Variants in DCAF4 observed in about 807,000 individuals in gnomAD.
DCAF4 encodes DDB1 and CUL4 associated factor 4, also known as DDB1- and CUL4-associated factor 4.
DCAF4 carries 37 observed loss-of-function variants against 60.9 expected under a neutral mutation model. That is an observed-to-expected ratio of 0.61 (90% CI 0.47 to 0.80). The LOEUF (loss-of-function observed/expected upper bound fraction) is 0.80, where lower values mean the gene tolerates loss of function less well. Ranked by LOEUF, DCAF4 falls within the 30% of genes least tolerant of loss-of-function variation. The pLI is 0.00. For missense variants in DCAF4, 577 were observed against 650.0 expected (o/e 0.89, Z 1.22); for synonymous variants, 243 against 254.8 (o/e 0.95, Z 0.44).
At chr14:72,931,748 T>C (rs574437695) in intron 1 of DCAF4, among the ~76,000 whole-genome samples, 66 of 152,272 alleles carry the variant, frequency 4.3e-4, no homozygotes, top group African/African-American at 1.6e-3. Context: ...GGATGTTGCA[T>C]TTTGTCCAGT....
At position 72,933,154 on chromosome 14, in the gene DCAF4, C is replaced by G. The variant is rs527753878; in HGVS notation, c.-8-4817C>G. On this transcript the variant is annotated intron_variant, in intron 1 of 13. Coordinates refer to ENST00000358377, the MANE Select transcript of DCAF4 (RefSeq NM_015604.4). ...AGTAGCAGCCTACCCCTCCTTCTCC[C>G]GAGCTGTGACAAACAAAAATGTCTC... Among the ~76,000 whole-genome samples, 15 of 152,296 alleles carry G rather than the reference C, an allele frequency of 9.8e-5. No homozygotes were observed. The South Asian group carries it at 2.5e-3, about 25-fold the overall frequency.
downstream of DCAF4, chr14:72,962,087 T>C: frequency 2.1e-6 from 2 of 942,628 alleles, no homozygotes; most frequent in Non-Finnish European, 2.6e-6. Flanking sequence ...TTAAAAAAAT[T>C]TGTGTCTCCA....
At chr14:72,939,961 G>A (rs1437210117) in intron 3 of DCAF4, 59 bp downstream of exon 3, 13 of 1,450,898 alleles carry the variant, frequency 9.0e-6, no homozygotes, top group African/African-American at 1.4e-5. Context: ...GCTGAGACCC[G>A]TTCCTGGCTT....
Position 72,946,011 on chromosome 14 carries a change from A to G in DCAF4, c.662A>G (p.Tyr221Cys), listed in dbSNP as rs1438993940. The G allele has an allele frequency of 1.9e-6, 3 of 1,613,856 alleles. No homozygotes were observed. Among genetic ancestry groups the G allele is most frequent in the East Asian group, 2.2e-5 (1 of 44,884 alleles). ...AAGGTGTTCATGCACGAAAACCTCTACTTCACCAACCGGAAGGTACGTTGC... is the reference window on the plus strand; with the variant it reads ...AAGGTGTTCATGCACGAAAACCTCTGCTTCACCAACCGGAAGGTACGTTGC... ...TLKVFMHENL[Y>C]FTNRKVNSVC... The change falls in exon 7 of 14, where the codon TAC (tyrosine) becomes TGC (cysteine). Residue 221 changes from tyrosine (Y) to cysteine (C), a missense_variant. By Grantham distance (194) the Tyr-to-Cys change is radical (BLOSUM62 -2). Transcript: ENST00000358377.
intron 1 of DCAF4, 29 bp from the exon 2 acceptor site, chr14:72,937,942 G>GT (rs1463963618): frequency 6.4e-7 from 1 of 1,567,010 alleles, no homozygotes; most frequent in South Asian, 1.2e-5. Flanking sequence ...ACACAGAGAT[G>GT]TATGGATTTT....
At chr14:72,930,036 C>T (rs1441389564) in intron 1 of DCAF4, 1 of 563,964 alleles carries the variant, frequency 1.8e-6, no homozygotes, top group Non-Finnish European at 3.1e-6. Context: ...GAGGTTGAGG[C>T]AGGAGGACGG....
chr14:72,956,625 C>T, intron 13 of DCAF4, 125 bp downstream of exon 13: 1 of 869,574 alleles, frequency 1.1e-6, no homozygotes, highest in Non-Finnish European at 1.9e-6. Context: ...GGAGTGTGGA[C>T]AGCTGGGTGG....
At position 72,938,014 on chromosome 14, in the gene DCAF4, T is replaced by G; in HGVS notation, c.36T>G (p.His12Gln). 6.2e-7 allele frequency: 1 copy of G among 1,609,974 alleles called. No individual in the cohort carries two copies. The highest frequency in any genetic ancestry group is 1.1e-5 in the South Asian group (1 of 90,506). Reference protein sequence around the residue: ...NKSRWQSRRRHGRRSHQQNPW... With the variant: ...NKSRWQSRRRQGRRSHQQNPW... Reference sequence around the variant, plus strand: ...GTCGCTGGCAGAGTAGAAGACGACATGGGAGAAGAAGCCACCAGCAGAACC... The same window carrying G: ...GTCGCTGGCAGAGTAGAAGACGACAGGGGAGAAGAAGCCACCAGCAGAACC... The change falls in exon 2 of 14, where the codon CAT becomes CAG. Residue 12 changes from histidine (H) to glutamine (Q), a missense_variant. Physicochemically the swap from His to Gln is conservative, Grantham distance 24 (BLOSUM62 0). Transcript: ENST00000358377.
In DCAF4 at chr14:72,940,359, A is replaced by G. The variant is rs757090548; in HGVS notation, c.333A>G (p.Glu111=). 5 of 1,611,006 alleles carry G rather than the reference A, an allele frequency of 3.1e-6. No homozygotes were observed. Among genetic ancestry groups the G allele is most frequent in the South Asian group, 1.1e-5 (1 of 90,570 alleles). Residue 111 remains glutamate (E), a synonymous_variant, in exon 4 of 14, where the codon GAA becomes GAG. Transcript: ENST00000358377. ...MESKRLRLLQ[E]EDRRKKIARM... ...GCAAGAGACTGCGGCTGCTCCAGGA[A>G]GAAGACAGACGGAAAAAGGTGGGCT...
At chr14:72,946,072 GGGTAGTT>G (rs72472806) in intron 7 of DCAF4, 45 bp downstream of exon 7, 154,391 of 1,607,430 alleles carry the variant, frequency 0.096, 8,071 homozygotes, top group East Asian at 0.17. Context: ...TTGACCCTGG[GGGTAGTT>G]GGCCAAATTC....
In DCAF4 at chr14:72,955,675, G is replaced by A; in HGVS notation, c.1158G>A (p.Met386Ile). 1 of 1,613,932 alleles carries A rather than the reference G, an allele frequency of 6.2e-7. No individual in the cohort carries two copies. The highest frequency in any genetic ancestry group is 8.5e-7 in the Non-Finnish European group (1 of 1,179,910). ...TCCTCCAAGATGAGCAATACCTGAT[G>A]GCTTCAGACATGGCTGGAAAGGTAG... ...VRILQDEQYL[M>I]ASDMAGKIKL... Residue 386 changes from methionine (M) to isoleucine (I), a missense_variant, in exon 12 of 14, where the codon ATG becomes ATA. Met to Ile is a conservative substitution (Grantham distance 10). Transcript: ENST00000358377.
chr14:72,930,786 C>T (rs758486673), intron 1 of DCAF4, among the ~76,000 whole-genome samples: 3 of 152,048 alleles, frequency 2.0e-5, no homozygotes, highest in Non-Finnish European at 4.4e-5. Context: ...TCATTTTTGT[C>T]CCATATGGTA....
intron 13 of DCAF4, 133 bp downstream of exon 13, chr14:72,956,633 T>C: frequency 2.5e-6 from 2 of 798,080 alleles, no homozygotes; most frequent in Admixed American, 4.3e-5. Flanking sequence ...GACAGCTGGG[T>C]GGGGAGACTA....
chr14:72,953,525 C>T (rs977714152), intron 9 of DCAF4, among the ~76,000 whole-genome samples: 1 of 151,032 alleles, frequency 6.6e-6, no homozygotes, highest in Non-Finnish European at 1.5e-5. Flanking sequence ...GCCTGAGCAA[C>T]ATAGCAAGAC....
chr14:72,947,823 G>T (rs1173417451), intron 8 of DCAF4, among the ~76,000 whole-genome samples: 3 of 152,160 alleles, frequency 2.0e-5, no homozygotes, highest in Admixed American at 6.5e-5. Flanking sequence ...ACTAGTCTCT[G>T]CCTTCCCGGA....
intron 1 of DCAF4, among the ~76,000 whole-genome samples, chr14:72,931,263 C>CG (rs1888539277): frequency 7.9e-6 from 1 of 126,800 alleles, no homozygotes; most frequent in Non-Finnish European, 1.6e-5. Flanking sequence ...TACTTTTTCT[C>CG]TTTTTTTTTT....
chr14:72,954,520 G>T (rs780637756), intron 11 of DCAF4, 37 bp downstream of exon 11: 1 of 1,604,820 alleles, frequency 6.2e-7, no homozygotes, highest in Admixed American at 1.7e-5. Context: ...ATAAAAGTTT[G>T]CCCCATGTAG....
Position 72,959,057 on chromosome 14 carries a change from T to A in DCAF4, c.*252T>A. 1 of 1,188,576 alleles carries A rather than the reference T, an allele frequency of 8.4e-7. No individual in the cohort carries two copies. The highest frequency in any genetic ancestry group is 1.0e-6 in the Non-Finnish European group (1 of 959,404). The allele number at this position is 1,188,576 out of a possible 1,614,324, so 73.6% of individuals were successfully genotyped here. Reference sequence around the variant, plus strand: ...CCTCTTTCCTTTTCTTATTGAATTCTTAGAACTTAGTTAACCCTCCCTGCC... The same window carrying A: ...CCTCTTTCCTTTTCTTATTGAATTCATAGAACTTAGTTAACCCTCCCTGCC... On this transcript the variant is annotated 3_prime_UTR_variant, in exon 14 of 14. Transcript: ENST00000358377.
chr14:72,937,701 G>A (rs1050222842), intron 1 of DCAF4, among the ~76,000 whole-genome samples: 13 of 152,304 alleles, frequency 8.5e-5, no homozygotes, highest in Non-Finnish European at 1.8e-4. Flanking sequence ...TTACAGGCAT[G>A]AGCCACCGCG....
Sources: gnomAD v4.1 joint callset for allele counts (sites outside exome capture counted in the v4.1 genomes callset) on GRCh38, gnomAD v4.1.1 for gene constraint, MANE v1.5 for transcripts, NCBI Gene and HGNC (gene_info 2026-07-23, HGNC 2026-07-21) for gene names.